The following ZFC3H1 variants were observed in gnomAD, a reference collection of about 807,000 sequenced individuals.
ZFC3H1 encodes zinc finger C3H1 domain-containing protein.
A neutral mutation model predicts 243.7 loss-of-function variants in ZFC3H1; 71 were observed. That is an observed-to-expected ratio of 0.29 (90% CI 0.24 to 0.36). ZFC3H1 has a LOEUF of 0.36. ZFC3H1 is among the 10% of genes least tolerant of loss of function. ZFC3H1 has a pLI of 1.00. For missense variants in ZFC3H1, 1,966 were observed against 2,317.1 expected, an observed-to-expected ratio of 0.85 and a Z score of 3.11; for synonymous variants, 838 against 813.0, an observed-to-expected ratio of 1.03 and a Z score of -0.52.
In ZFC3H1 at chr12:71,663,194, G is replaced by A; in HGVS notation, c.417C>T (p.Leu139=). ...PRPSFWERSH[L]ALDRFRFRGR... ...CTCGAAAGCGGAAACGGTCCAAGGCGAGGTGGCTCCGCTCCCAGAAAGACG... is the reference window on the plus strand; with the variant it reads ...CTCGAAAGCGGAAACGGTCCAAGGCAAGGTGGCTCCGCTCCCAGAAAGACG... The change falls in exon 1 of 35, where the codon CTC becomes CTT. Residue 139 remains leucine (L), a synonymous_variant. Coordinates refer to ENST00000378743, the MANE Select transcript of ZFC3H1 (RefSeq NM_144982.5). 1 of 1,614,132 alleles carries A rather than the reference G, an allele frequency of 6.2e-7. No homozygotes were observed. The highest frequency in any genetic ancestry group is 8.5e-7 in the Non-Finnish European group (1 of 1,180,032).
Position 71,663,121 on chromosome 12 carries a change from C to A in ZFC3H1, c.490G>T (p.Gly164Cys). 1 of 1,614,012 alleles carries A rather than the reference C, an allele frequency of 6.2e-7. No individual in the cohort carries two copies. ...CACCCCGGCTTGCCTCCTCGCTCAC[C>A]CACTCCTCGCCCCCGACTCCAGCGA... is the stretch of plus-strand genomic sequence containing the variant. The part of the protein sequence containing the change: ...GSRWSRGRGV[G>C]ERGGKPGCRP... Residue 164 changes from glycine (G) to cysteine (C), a missense_variant, in exon 1 of 35, where the codon GGT becomes TGT. Coordinates refer to ENST00000378743, the MANE Select transcript of ZFC3H1 (RefSeq NM_144982.5).
chr12:71,610,670 T>C, intron 34 of ZFC3H1, 25 bp downstream of exon 34: 1 of 1,612,454 alleles, frequency 6.2e-7, no homozygotes, highest in Non-Finnish European at 8.5e-7. Flanking sequence ...AACATCGAGA[T>C]AAAATAAAAG....
At position 71,619,930 on chromosome 12, in the gene ZFC3H1, A is replaced by G. The variant is rs1879983140; in HGVS notation, c.5045T>C (p.Leu1682Ser). 1 of 1,578,852 alleles carries G rather than the reference A, an allele frequency of 6.3e-7. No homozygotes were observed. Among genetic ancestry groups the G allele is most frequent in the Admixed American group, 1.8e-5 (1 of 54,088 alleles). Residue 1682 changes from leucine (L) to serine (S), a missense_variant, in exon 26 of 35, where the codon TTA becomes TCA. By Grantham distance (145) the Leu-to-Ser change is moderately radical (BLOSUM62 -2). This residue lies in a region of ZFC3H1 where 1,383 missense variants were observed against 1,723.7 expected (regional missense o/e 0.80). Coordinates refer to ENST00000378743, the MANE Select transcript of ZFC3H1 (RefSeq NM_144982.5). ...VFYHMCKFFI[L>S]QNRGDNLLPF... Reference sequence around the variant, plus strand: ...AGAATTATGCATCATTTTTACCTGTAAGATGAAGAATTTGCACATATGATA... The same window carrying G: ...AGAATTATGCATCATTTTTACCTGTGAGATGAAGAATTTGCACATATGATA...
intron 19 of ZFC3H1, 89 bp from the exon 20 acceptor site, chr12:71,629,126 C>A: frequency 9.3e-7 from 1 of 1,075,098 alleles, no homozygotes; most frequent in Non-Finnish European, 1.3e-6. Context: ...TTGAGAAGAA[C>A]TACATTCACT....
At chr12:71,612,527 T>C (rs1013511674) in intron 31 of ZFC3H1, among the ~76,000 whole-genome samples, 7 of 152,174 alleles carry the variant, frequency 4.6e-5, no homozygotes, top group African/African-American at 1.4e-4. Flanking sequence ...GCAGGCTTGC[T>C]AAGAAAACTG....
chr12:71,623,719 AG>A, intron 23 of ZFC3H1, 122 bp from the exon 24 acceptor site: 1 of 737,618 alleles, frequency 1.4e-6, no homozygotes, highest in Non-Finnish European at 2.1e-6. Flanking sequence ...GTACATTTTA[AG>A]TGTCCTGATA....
In ZFC3H1 at chr12:71,630,909, T is replaced by G. The variant is rs779136026; in HGVS notation, c.3516A>C (p.Ser1172=). 6.2e-7 allele frequency: 1 copy of G among 1,612,796 alleles called. No individual in the cohort carries two copies. Residue 1172 remains serine (S), a synonymous_variant, in exon 17 of 35, where the codon TCA becomes TCC. Coordinates refer to ENST00000378743, the MANE Select transcript of ZFC3H1 (RefSeq NM_144982.5). ...GTTCAATCATATTACTGTATGATAC[T>G]GAGCTCAGGGGAAGTTTTTCCTTGG... ...YRTKEKLPLS[S]VSYSNMIEPD... is the part of the protein sequence containing the mutation.
At chr12:71,615,356 A>T in intron 27 of ZFC3H1, 40 bp from the exon 28 acceptor site, 3 of 1,284,156 alleles carry the variant, frequency 2.3e-6, no homozygotes, top group Non-Finnish European at 3.3e-6. Flanking sequence ...AATTACACCT[A>T]CCCACACAGG....
chr12:71,663,068 T>C lies in ZFC3H1; in HGVS notation c.543A>G (p.Gly181=), dbSNP rs764792108. 6.2e-7 allele frequency: 1 copy of C among 1,613,662 alleles called. No homozygotes were observed. The highest frequency in any genetic ancestry group is 8.5e-7 in the Non-Finnish European group (1 of 1,179,878). The change falls in exon 1 of 35, where the codon GGA becomes GGG. Residue 181 remains glycine, a synonymous_variant. Transcript: ENST00000378743. ...GCRPPLGGGA[G]SGFSSSQSWR... is the part of the protein sequence containing the mutation. The stretch of plus-strand genomic sequence containing the variant: ...AGCTCTGACTGCTGCTGAACCCGGA[T>C]CCTGCTCCTCCTCCCAGAGGAGGTC...
chr12:71,621,073 A>C (rs1333250505), intron 24 of ZFC3H1, among the ~76,000 whole-genome samples: 1 of 152,012 alleles, frequency 6.6e-6, no homozygotes, highest in Non-Finnish European at 1.5e-5. Context: ...AGATTGTTTA[A>C]ATTTCCTCTT....
At position 71,663,501 on chromosome 12, in the gene ZFC3H1, C is replaced by T. The variant is rs1881251182; in HGVS notation, c.110G>A (p.Arg37Gln). Residue 37 changes from arginine (R) to glutamine (Q), a missense_variant, in exon 1 of 35, where the codon CGG becomes CAG. Physicochemically the swap from Arg to Gln is conservative, Grantham distance 43. Around this residue, in one of 4 missense-constraint regions of ZFC3H1, gnomAD observed 484 missense variants for 449.7 expected, o/e 1.08. Coordinates refer to ENST00000378743, the MANE Select transcript of ZFC3H1 (RefSeq NM_144982.5). ...GCTGCTGCTGCTGCTGCTCCGACTC[C>T]GTATCTGGCTGTTATTATCGTCGTC... is the stretch of plus-strand genomic sequence containing the variant. ...ISDDDNNSQIRSRSSSSSSGG... is the reference protein window; with the variant it reads ...ISDDDNNSQIQSRSSSSSSGG... The T allele has an allele frequency of 6.2e-7, 1 of 1,613,422 alleles. No homozygotes were observed. The highest frequency in any genetic ancestry group is 1.3e-5 in the African/African-American group (1 of 74,952).
In ZFC3H1 at chr12:71,661,159, C is replaced by A. The variant is rs7298658; in HGVS notation, c.598+1854G>T. 3.7e-3 allele frequency among the ~76,000 whole-genome samples: 559 copies of A among 151,702 alleles called. 3 individuals carry two copies. The highest frequency in any genetic ancestry group is 0.013 in the African/African-American group (522 of 41,402). ...TCTACTAAAAATATAAAAAATTAGCCGGGCGTGGTGGCGGGCGCCTGTAGT... is the reference window on the plus strand; with the variant it reads ...TCTACTAAAAATATAAAAAATTAGCAGGGCGTGGTGGCGGGCGCCTGTAGT... On this transcript the variant is annotated intron_variant, in intron 1 of 34. Coordinates refer to ENST00000378743, the MANE Select transcript of ZFC3H1 (RefSeq NM_144982.5).
At position 71,620,429 on chromosome 12, in the gene ZFC3H1, T is replaced by G; in HGVS notation, c.4745-114A>C. ...GGAAAAGATGACCCCTCCCTTTGAT[T>G]ACCCATCCATCATCTTATTCACCTT... On this transcript the variant is annotated intron_variant, in intron 24 of 34. Coordinates refer to ENST00000378743, the MANE Select transcript of ZFC3H1 (RefSeq NM_144982.5). 5 of 992,992 alleles carry G rather than the reference T, an allele frequency of 5.0e-6. 1 individual carries two copies. In the South Asian group the frequency reaches 7.2e-5, roughly 14 times the overall value. The allele number at this position is 992,992 out of a possible 1,614,324, so 61.5% of individuals were successfully genotyped here.
rs530169674 is a variant in ZFC3H1 at position 71,634,304 on chromosome 12, G to A, written c.2361C>T (p.Asn787=). The A allele has an allele frequency of 2.0e-5, 32 of 1,611,476 alleles. No individual in the cohort carries two copies. In the Middle Eastern group the frequency reaches 8.3e-4, roughly 42 times the overall value. ...ATTTAATCAAACGCTGTTTCTCACG[G>A]CTAAAATTATCAAAAAGGATATATG... The part of the protein sequence containing the change: ...EYRLLKEEIA[N]REKQRLIKSD... The change falls in exon 12 of 35, where the codon AAC becomes AAT. Residue 787 remains asparagine (N), a splice_region_variant and synonymous_variant. Transcript: ENST00000378743.
rs539984317 is a variant in ZFC3H1 at position 71,639,492 on chromosome 12, C to T, written c.1628-977G>A. On this transcript the variant is annotated intron_variant, in intron 6 of 34. Coordinates refer to ENST00000378743, the MANE Select transcript of ZFC3H1 (RefSeq NM_144982.5). Reference sequence around the variant, plus strand: ...TTTAATAGTCAGACACTTGATGGTGCTATTGTTTTATGGACTTGGCATGTT... The same window carrying T: ...TTTAATAGTCAGACACTTGATGGTGTTATTGTTTTATGGACTTGGCATGTT... The T allele has an allele frequency of 8.7e-4, 170 of 196,234 alleles. 1 individual carries two copies. Among genetic ancestry groups the T allele is most frequent in the Non-Finnish European group, 1.2e-3 (110 of 94,682 alleles). The allele number at this position is 196,234 out of a possible 1,614,324, so 12.2% of individuals were successfully genotyped here.
chr12:71,622,998 A>G lies in ZFC3H1; in HGVS notation c.4744+362T>C, dbSNP rs114314161. Among the ~76,000 whole-genome samples the G allele has an allele frequency of 4.5e-3, 681 of 150,890 alleles. 6 individuals are homozygous for G. The highest frequency in any genetic ancestry group is 0.016 in the African/African-American group (654 of 41,396). On this transcript the variant is annotated intron_variant, in intron 24 of 34. Transcript: ENST00000378743. ...AAATATTAATTGGTTGAAAAGATAG[A>G]AATCTTTAAACTTCCACCTTAATGG...
intron 32 of ZFC3H1, chr12:71,611,343 A>T: frequency 3.7e-6 from 1 of 271,338 alleles, no homozygotes; most frequent in Non-Finnish European, 6.7e-6. Context: ...TAACGTTCAC[A>T]GGAGAAAAAA....
chr12:71,647,521 G>A (rs1045302314), intron 3 of ZFC3H1, among the ~76,000 whole-genome samples: 3 of 152,020 alleles, frequency 2.0e-5, no homozygotes, highest in Admixed American at 6.6e-5. Context: ...AAAAGATCCC[G>A]TATGAATATA....
chr12:71,610,293 G>T lies in ZFC3H1; in HGVS notation c.*135C>A. The T allele has an allele frequency of 2.8e-6, 3 of 1,063,002 alleles. No homozygotes were observed. The highest frequency in any genetic ancestry group is 2.7e-6 in the Non-Finnish European group (2 of 737,716). The allele number at this position is 1,063,002 out of a possible 1,614,324, so 65.8% of individuals were successfully genotyped here. A position where few individuals can be genotyped will look rare whatever the true frequency, so the allele number is the denominator to read the frequency against. ...CTTCCGGTTTTGAGGACAGGATATT[G>T]TAGGGAACTTGATATGATCAATAAC... On this transcript the variant is annotated 3_prime_UTR_variant, in exon 35 of 35. Transcript: ENST00000378743.
Sources: allele counts gnomAD v4.1 joint callset (sites outside exome capture counted in the v4.1 genomes callset), GRCh38; gene constraint gnomAD v4.1.1; regional missense constraint gnomAD v4.1.1; transcripts MANE v1.5; gene names NCBI Gene and HGNC (gene_info 2026-07-23, HGNC 2026-07-21).